SYNPR: variants seen among roughly 807,000 people sequenced by gnomAD.
SYNPR encodes the protein synaptoporin.
In SYNPR, 23 loss-of-function variants were observed where a neutral mutation model predicts 32.9. The ratio of observed to expected loss-of-function variants is 0.70; its 90% CI spans 0.50 to 0.99. SYNPR has a LOEUF of 0.99. Ranked by LOEUF, SYNPR falls within the 50% of genes least tolerant of loss-of-function variation. The probability of loss-of-function intolerance (pLI) is 0.00; values close to 1 mark genes in which losing one functional copy is unlikely to be tolerated. For synonymous variants in SYNPR, 146 were observed against 135.9 expected (o/e 1.07, Z -0.52); for missense variants, 318 against 349.3 (o/e 0.91, Z 0.71).
At chr3:63,324,074 A>G (rs1223461106) in intron 2 of SYNPR, among the ~76,000 whole-genome samples, 2 of 152,154 alleles carry the variant, frequency 1.3e-5, no homozygotes, top group Non-Finnish European at 2.9e-5. Context: ...ATGAAAAATG[A>G]TGCTGAAAAT....
chr3:63,330,529 G>A (rs4688166), intron 2 of SYNPR, among the ~76,000 whole-genome samples: 4 of 151,668 alleles, frequency 2.6e-5, no homozygotes, highest in Non-Finnish European at 4.4e-5. Flanking sequence ...GCTTGAGACC[G>A]CAGAAAGAGA....
chr3:63,556,308 T>A (rs1702593905), intron 3 of SYNPR, among the ~76,000 whole-genome samples: 1 of 152,184 alleles, frequency 6.6e-6, no homozygotes, highest in African/African-American at 2.4e-5. Context: ...TCCTTCCTCC[T>A]CTCTACCTAA....
chr3:63,253,525 T>C (rs1206471390), intron 2 of SYNPR, among the ~76,000 whole-genome samples: 1 of 152,212 alleles, frequency 6.6e-6, no homozygotes, highest in Non-Finnish European at 1.5e-5. Context: ...TGTTTAAAAA[T>C]ATTGATGTAT....
At chr3:63,481,401 T>C (rs922714925) in intron 3 of SYNPR, among the ~76,000 whole-genome samples, 1 of 151,754 alleles carries the variant, frequency 6.6e-6, no homozygotes, top group Admixed American at 6.6e-5. Context: ...ATCTGTATAC[T>C]ATGGAACACA....
intron 5 of SYNPR, among the ~76,000 whole-genome samples, chr3:63,612,556 G>A (rs1302424693): frequency 1.3e-5 from 2 of 152,132 alleles, no homozygotes; most frequent in East Asian, 1.9e-4. Context: ...CCAAGTCTGA[G>A]CTTGAATCAC....
chr3:63,473,319 G>A (rs1278090320), intron 2 of SYNPR, among the ~76,000 whole-genome samples: 3 of 152,120 alleles, frequency 2.0e-5, no homozygotes, highest in Non-Finnish European at 4.4e-5. Context: ...CCATTGCAGT[G>A]CCTGTTCATT....
chr3:63,418,626 T>C (rs1272835960), intron 2 of SYNPR, among the ~76,000 whole-genome samples: 1 of 152,188 alleles, frequency 6.6e-6, no homozygotes, highest in East Asian at 1.9e-4. Flanking sequence ...GCCGCACAAC[T>C]ATGGTGGAAA....
At chr3:63,419,297 A>G (rs867684107) in intron 2 of SYNPR, among the ~76,000 whole-genome samples, 1 of 152,200 alleles carries the variant, frequency 6.6e-6, no homozygotes, top group Non-Finnish European at 1.5e-5. Context: ...CAAAACTGCT[A>G]TAGCCATCAA....
At chr3:63,220,523 T>A in the SYNPR span, among the ~76,000 whole-genome samples, 1 of 152,240 alleles carries the variant, frequency 6.6e-6, no homozygotes, top group East Asian at 1.9e-4. Flanking sequence ...TGTAGGGGTG[T>A]GTAAAAGAGA....
intron 2 of SYNPR, among the ~76,000 whole-genome samples, chr3:63,448,268 T>A (rs952544717): frequency 5.3e-5 from 8 of 152,224 alleles, no homozygotes; most frequent in Admixed American, 3.9e-4. Context: ...TCTCCCAAAG[T>A]GCTGGGATTA....
chr3:63,294,487 G>C (rs148019975), intron 2 of SYNPR, among the ~76,000 whole-genome samples: 23 of 152,256 alleles, frequency 1.5e-4, no homozygotes, highest in African/African-American at 5.3e-4. Flanking sequence ...GATTCATAAA[G>C]CAATAGCCAA....
intron 4 of SYNPR, among the ~76,000 whole-genome samples, chr3:63,573,899 T>C (rs1702934463): frequency 2.0e-5 from 3 of 152,152 alleles, no homozygotes; most frequent in African/African-American, 7.2e-5. Context: ...AGAATATTTA[T>C]TTCTAAGACA....
intron 2 of SYNPR, among the ~76,000 whole-genome samples, chr3:63,447,702 C>T (rs940635024): frequency 6.6e-6 from 1 of 151,382 alleles, no homozygotes; most frequent in Non-Finnish European, 1.5e-5. Flanking sequence ...TCTCTCCACT[C>T]TGCAGACTAA....
rs572480562 is a variant in SYNPR, at chr3:63,463,997, G to A, written c.85-16835G>A. Reference sequence around the variant, plus strand: ...ATTTAGTTCTACTTTTGTCTCTTACGTAACCACTTCTAGTAGACCAAAGTA... The same window carrying A: ...ATTTAGTTCTACTTTTGTCTCTTACATAACCACTTCTAGTAGACCAAAGTA... On this transcript the variant is annotated intron_variant, in intron 2 of 5. Coordinates refer to ENST00000478300, the MANE Select transcript of SYNPR (RefSeq NM_001130003.2). Among the ~76,000 whole-genome samples the A allele has an allele frequency of 3.3e-5, 5 of 151,692 alleles. No individual in the cohort carries two copies. In the South Asian group the frequency reaches 1.0e-3, roughly 32 times the overall value.
At chr3:63,332,536 AAAGG>A (rs2087241397) in intron 2 of SYNPR, among the ~76,000 whole-genome samples, 1 of 152,212 alleles carries the variant, frequency 6.6e-6, no homozygotes. Flanking sequence ...TTTATGGAAG[AAAGG>A]AAGGAGGGAA....
chr3:63,225,933 C>G (rs1575569471), upstream of SYNPR, among the ~76,000 whole-genome samples: 1 of 151,454 alleles, frequency 6.6e-6, no homozygotes, highest in Non-Finnish European at 1.5e-5. Flanking sequence ...CAAGAATATA[C>G]AAGGTACCCA....
intron 3 of SYNPR, among the ~76,000 whole-genome samples, chr3:63,540,828 CCTT>C (rs1311477443): frequency 1.3e-5 from 2 of 149,874 alleles, no homozygotes; most frequent in Non-Finnish European, 3.0e-5. Flanking sequence ...AGTATTGAAC[CCTT>C]CTTTTTAATG....
chr3:63,565,435 C>A (rs1300460047), intron 4 of SYNPR, among the ~76,000 whole-genome samples: 4 of 152,124 alleles, frequency 2.6e-5, no homozygotes, highest in Non-Finnish European at 4.4e-5. Flanking sequence ...GTTGCAGCAT[C>A]GTCTGGAAGG....
chr3:63,291,056 G>T (rs771261616), intron 2 of SYNPR, among the ~76,000 whole-genome samples: 5 of 152,198 alleles, frequency 3.3e-5, no homozygotes, highest in Non-Finnish European at 7.3e-5. Flanking sequence ...AGGTATTTCA[G>T]TGGGAAAAGG....
Sources: allele counts gnomAD v4.1 joint callset (sites outside exome capture counted in the v4.1 genomes callset), GRCh38; gene constraint gnomAD v4.1.1; transcripts MANE v1.5; gene names NCBI Gene and HGNC (gene_info 2026-07-23, HGNC 2026-07-21).